The following IL31RA variants were observed in gnomAD, a reference collection of about 807,000 sequenced individuals.
IL31RA encodes the protein interleukin 31 receptor A, also known as interleukin-31 receptor subunit alpha.
Under a neutral mutation model 83.7 loss-of-function variants are expected in IL31RA, and 66 were observed. The ratio of observed to expected loss-of-function variants is 0.79; its 90% CI spans 0.65 to 0.97. The LOEUF (loss-of-function observed/expected upper bound fraction) is 0.97, where lower values mean the gene tolerates loss of function less well. Among genes scored for constraint, IL31RA ranks in the 50% least tolerant of loss-of-function variants. The pLI is 0.00. For missense variants in IL31RA, 798 were observed against 919.4 expected (o/e 0.87, Z 1.71); for synonymous variants, 325 against 329.0 (o/e 0.99, Z 0.13).
At chr5:55,847,233 AAAAAAAAAT>A (rs1486002823), upstream of IL31RA, among the ~76,000 whole-genome samples, 26 of 41,558 alleles carry the variant, frequency 6.3e-4, no homozygotes, top group African/African-American at 2.4e-3. Context: ...ACAGAAAAAA[AAAAAAAAAT>A]AAAAATAAAT....
intron 14 of IL31RA, among the ~76,000 whole-genome samples, chr5:55,916,146 A>T (rs749059338): frequency 1.3e-5 from 2 of 152,164 alleles, no homozygotes; most frequent in Admixed American, 6.6e-5. Flanking sequence ...TTGGGAGGCC[A>T]AGGCAGGGGG....
intron 2 of IL31RA, among the ~76,000 whole-genome samples, chr5:55,859,901 A>G (rs1217695297): frequency 6.6e-6 from 1 of 152,220 alleles, no homozygotes; most frequent in African/African-American, 2.4e-5. Context: ...GTGGGGGAAT[A>G]TGTTCCAAGA....
upstream of IL31RA, among the ~76,000 whole-genome samples, chr5:55,847,967 G>A (rs1487876897): frequency 1.6e-4 from 24 of 152,118 alleles, no homozygotes; most frequent in Non-Finnish European, 2.9e-5. Flanking sequence ...TACTAGACTG[G>A]GCTTGTGGGT....
At chr5:55,849,910 T>C (rs1405046459), upstream of IL31RA, among the ~76,000 whole-genome samples, 1 of 152,244 alleles carries the variant, frequency 6.6e-6, no homozygotes, top group Non-Finnish European at 1.5e-5. Context: ...ACATGGGAGA[T>C]AAAGTTCTTG....
chr5:55,921,171 T>G lies in IL31RA; in HGVS notation c.*4051T>G, dbSNP rs890317897. Among the ~76,000 whole-genome samples the G allele has an allele frequency of 6.6e-6, 1 of 152,178 alleles. No individual in the cohort carries two copies. Among genetic ancestry groups the G allele is most frequent in the Non-Finnish European group, 1.5e-5 (1 of 68,034 alleles). ...TCCCCTCTTTTTTCTAATTTAAAAT[T>G]TGTTTTAAATTCAACTTTACAGCAG... is the stretch of plus-strand genomic sequence containing the variant. On this transcript the variant is annotated 3_prime_UTR_variant, in exon 15 of 15. Transcript: ENST00000652347.
At chr5:55,864,702 C>T (rs1015717031) in intron 2 of IL31RA, among the ~76,000 whole-genome samples, 5 of 151,138 alleles carry the variant, frequency 3.3e-5, no homozygotes, top group Non-Finnish European at 5.9e-5. Flanking sequence ...ACACATACTA[C>T]ACACATACCA....
intron 7 of IL31RA, among the ~76,000 whole-genome samples, chr5:55,898,042 T>TGCC (rs987087789): frequency 6.6e-6 from 1 of 152,206 alleles, no homozygotes; most frequent in East Asian, 1.9e-4. Context: ...GAGGCGGTGC[T>TGCC]GCCGCCGCAT....
At chr5:55,854,325 C>A in intron 1 of IL31RA, among the ~76,000 whole-genome samples, 1 of 152,136 alleles carries the variant, frequency 6.6e-6, no homozygotes, top group Non-Finnish European at 1.5e-5. Context: ...TAATCAATAT[C>A]CTCATCCAAA....
chr5:55,916,552 T>C (rs1227024270), intron 14 of IL31RA, 92 bp from the exon 15 acceptor site: 5 of 1,053,694 alleles, frequency 4.7e-6, no homozygotes, highest in Non-Finnish European at 7.4e-6. Flanking sequence ...GTTCCAGAGA[T>C]GGGCATTTGC....
chr5:55,840,445 T>C, the IL31RA span, among the ~76,000 whole-genome samples: 1 of 152,168 alleles, frequency 6.6e-6, no homozygotes, highest in South Asian at 2.1e-4. Context: ...GGTTTGGAAA[T>C]TGAACATTGG....
At chr5:55,908,893 C>T in intron 11 of IL31RA, 1 of 1,295,342 alleles carries the variant, frequency 7.7e-7, no homozygotes, top group Non-Finnish European at 9.8e-7. Flanking sequence ...TGGTAAAATA[C>T]ACGTAAAATA....
rs1267308734 is a variant in IL31RA at position 55,886,645 on chromosome 5, C to CA, written c.607-3323dup. 2.6e-5 allele frequency among the ~76,000 whole-genome samples: 4 copies of CA among 152,296 alleles called. No homozygotes were observed. In the East Asian group the frequency reaches 7.7e-4, roughly 29 times the overall value. On this transcript the variant is annotated intron_variant, in intron 5 of 14. Transcript: ENST00000652347. ...CAGCTAAACCCAACTCTGCTCTTCC[C>CA]AACCTTCTATCAAAGATTTCCATTG... is the stretch of plus-strand genomic sequence containing the variant.
intron 2 of IL31RA, among the ~76,000 whole-genome samples, chr5:55,867,161 G>C (rs1746146085): frequency 1.3e-5 from 1 of 75,658 alleles, no homozygotes; most frequent in African/African-American, 5.2e-5. Flanking sequence ...GTGTGTTTGT[G>C]TGTGTGCATG....
intron 2 of IL31RA, among the ~76,000 whole-genome samples, chr5:55,863,002 A>G (rs62361930): frequency 0.043 from 6,578 of 152,356 alleles, 195 homozygotes; most frequent in Non-Finnish European, 0.068. Flanking sequence ...GGAGGAAGGC[A>G]GGACAACAGA....
chr5:55,921,711 T>C lies in IL31RA; in HGVS notation c.*4591T>C, dbSNP rs79279625. On this transcript the variant is annotated 3_prime_UTR_variant, in exon 15 of 15. Transcript: ENST00000652347. Reference sequence around the variant, plus strand: ...AATAGTTAATGAAACTTTATAGTTATTTGTGTTGCTTTAATCCTTGTGAAG... The same window carrying C: ...AATAGTTAATGAAACTTTATAGTTACTTGTGTTGCTTTAATCCTTGTGAAG... Among the ~76,000 whole-genome samples, 195 of 152,334 alleles carry C rather than the reference T, an allele frequency of 1.3e-3. 5 individuals carry two copies. The East Asian group carries it at 0.033, about 26-fold the overall frequency.
Position 55,910,675 on chromosome 5 carries a change from G to C in IL31RA, c.1642+3G>C, listed in dbSNP as rs754538292. On this transcript the variant is annotated splice_donor_region_variant and intron_variant, in intron 12 of 14. Coordinates refer to ENST00000652347, the MANE Select transcript of IL31RA (RefSeq NM_139017.7). ...AAATTTCAAGACATTGTCATTCAGT[G>C]AGTATTTCCTTCAAGCCTTAGGTAC... 6 of 1,613,996 alleles carry C rather than the reference G, an allele frequency of 3.7e-6. No homozygotes were observed.
chr5:55,876,903 T>C (rs1314198348), intron 4 of IL31RA, among the ~76,000 whole-genome samples: 1 of 152,118 alleles, frequency 6.6e-6, no homozygotes, highest in Admixed American at 6.5e-5. Context: ...CCAGTTGGAT[T>C]TTTTTTTCTT....
the IL31RA span, among the ~76,000 whole-genome samples, chr5:55,843,228 C>T: frequency 6.6e-6 from 1 of 152,266 alleles, no homozygotes; most frequent in East Asian, 1.9e-4. Context: ...CACAGTGTTT[C>T]CTGTGGTCCC....
rs775157772 is a variant in IL31RA at position 55,859,525 on chromosome 5, C to T, written c.80C>T (p.Ser27Leu). ...CATTTTCAGCTCTCTCCCCAGCCTT[C>T]ATGTGTTAACCTGGGGATGATGTGG... ...CPQNILSPQP[S>L]CVNLGMMWTW... is the part of the protein sequence containing the mutation. The change falls in exon 2 of 15, where the codon TCA becomes TTA. Residue 27 changes from serine to leucine, a missense_variant. By Grantham distance (145) the Ser-to-Leu change is moderately radical. Coordinates refer to ENST00000652347, the MANE Select transcript of IL31RA (RefSeq NM_139017.7). 2 of 1,613,592 alleles carry T rather than the reference C, an allele frequency of 1.2e-6. No homozygotes were observed. Among genetic ancestry groups the T allele is most frequent in the African/African-American group, 2.7e-5 (2 of 74,902 alleles).
Sources: allele counts gnomAD v4.1 joint callset (sites outside exome capture counted in the v4.1 genomes callset), GRCh38; gene constraint gnomAD v4.1.1; transcripts MANE v1.5; gene names NCBI Gene and HGNC (gene_info 2026-07-23, HGNC 2026-07-21).